The following SPATA45 variants were observed in gnomAD, a reference collection of about 807,000 sequenced individuals.
SPATA45 encodes the protein spermatogenesis associated 45.
In SPATA45, 5 loss-of-function variants were observed where a neutral mutation model predicts 7.0. That is an observed-to-expected ratio of 0.71 (90% CI 0.37 to 1.50). SPATA45 has a LOEUF of 1.50. Ranked by LOEUF, SPATA45 falls within the 40% of genes most tolerant of loss-of-function variation. The pLI, the probability that SPATA45 is intolerant of heterozygous loss-of-function variation, is 0.03. For missense variants in SPATA45, 111 were observed against 114.9 expected (o/e 0.97, Z 0.16); for synonymous variants, 40 against 38.7 (o/e 1.03, Z -0.13).
At chr1:212,840,885 T>G (rs1003945552) in intron 1 of SPATA45, among the ~76,000 whole-genome samples, 5 of 152,194 alleles carry the variant, frequency 3.3e-5, no homozygotes, top group Non-Finnish European at 7.3e-5. Flanking sequence ...CCCAAAGTGC[T>G]GGGATTACAG....
At position 212,843,100 on chromosome 1, in the gene SPATA45, T is replaced by TACACACACACAC. The variant is rs367648433; in HGVS notation, c.-39+4468_-39+4479dup. Among the ~76,000 whole-genome samples the TACACACACACAC allele has an allele frequency of 1.2e-3, 144 of 121,998 alleles. 3 individuals are homozygous for TACACACACACAC. The highest frequency in any genetic ancestry group is 3.4e-3 in the East Asian group (14 of 4,084). 80.0% of individuals were successfully genotyped at this position (121,998 alleles called of 152,430 possible). ...CAACAGAGCAAGACTCCGTCAAACA[T>TACACACACACAC]ACACACACACACACACACACACACA... On this transcript the variant is annotated intron_variant, in intron 1 of 2. Coordinates refer to ENST00000332912, the MANE Select transcript of SPATA45 (RefSeq NM_001024601.3).
At chr1:212,845,573 G>A (rs1663778328) in intron 1 of SPATA45, among the ~76,000 whole-genome samples, 1 of 152,092 alleles carries the variant, frequency 6.6e-6, no homozygotes, top group Admixed American at 6.6e-5. Flanking sequence ...ATGGCTCCTG[G>A]TTTTACCTCA....
intron 1 of SPATA45, among the ~76,000 whole-genome samples, chr1:212,844,984 C>G (rs564696389): frequency 6.6e-6 from 1 of 152,144 alleles, no homozygotes; most frequent in African/African-American, 2.4e-5. Flanking sequence ...CAGTTTTTCT[C>G]CTTCTCATTG....
intron 1 of SPATA45, among the ~76,000 whole-genome samples, chr1:212,845,028 C>A (rs1462315289): frequency 6.6e-6 from 1 of 152,180 alleles, no homozygotes; most frequent in Non-Finnish European, 1.5e-5. Context: ...GAAACTTCCA[C>A]CTATCAATCT....
intron 1 of SPATA45, among the ~76,000 whole-genome samples, chr1:212,845,875 CTCTATA>C (rs1663783353): frequency 6.6e-6 from 1 of 152,118 alleles, no homozygotes; most frequent in African/African-American, 2.4e-5. Context: ...AAAAAGAGGA[CTCTATA>C]TTTTTAAACA....
chr1:212,846,305 C>A (rs917924649), intron 1 of SPATA45, among the ~76,000 whole-genome samples: 3 of 152,106 alleles, frequency 2.0e-5, no homozygotes, highest in African/African-American at 7.2e-5. Flanking sequence ...TCCATACCAC[C>A]CCCAAAAGTT....
At chr1:212,839,129 TTATA>T (rs71147035) in intron 1 of SPATA45, among the ~76,000 whole-genome samples, 4 of 144,536 alleles carry the variant, frequency 2.8e-5, no homozygotes, top group Non-Finnish European at 6.1e-5. Flanking sequence ...TTTATATATA[TTATA>T]TATATATATA....
At chr1:212,843,297 A>G (rs1475357380) in intron 1 of SPATA45, among the ~76,000 whole-genome samples, 4 of 152,186 alleles carry the variant, frequency 2.6e-5, no homozygotes, top group African/African-American at 7.2e-5. Context: ...TCTCAAAAAA[A>G]AAAAGAAAAG....
chr1:212,842,958 G>A (rs1277037316), intron 1 of SPATA45, among the ~76,000 whole-genome samples: 24 of 150,292 alleles, frequency 1.6e-4, no homozygotes, highest in Admixed American at 5.9e-4. Context: ...TTAGCTGGGC[G>A]TGGTGGCATG....
intron 1 of SPATA45, among the ~76,000 whole-genome samples, chr1:212,846,801 G>A (rs112856622): frequency 0.023 from 3,496 of 152,312 alleles, 63 homozygotes; most frequent in South Asian, 0.041. Flanking sequence ...ATGGACGCAC[G>A]TGACAAAAGG....
Position 212,830,245 on chromosome 1 carries a change from T to C in SPATA45, c.294A>G (p.Gly98=), listed in dbSNP as rs999498657. 6.6e-7 allele frequency: 1 copy of C among 1,525,340 alleles called. No individual in the cohort carries two copies. Among genetic ancestry groups the C allele is most frequent in the Non-Finnish European group, 9.0e-7 (1 of 1,107,710 alleles). The allele number at this position is 1,525,340 out of a possible 1,614,324, so 94.5% of individuals were successfully genotyped here. A position where few individuals can be genotyped will look rare whatever the true frequency, so the allele number is the denominator to read the frequency against. Residue 98 remains glycine, a synonymous_variant, in exon 3 of 3, where the codon GGA becomes GGG. Coordinates refer to ENST00000332912, the MANE Select transcript of SPATA45 (RefSeq NM_001024601.3). ...HFPPKNNAIF[G] is the part of the protein sequence containing the mutation. Reference sequence around the variant, plus strand: ...CGTGTGTCTCTGGAGATGCACTTTATCCAAATATGGCATTATCTGAAAAAA... The same window carrying C: ...CGTGTGTCTCTGGAGATGCACTTTACCCAAATATGGCATTATCTGAAAAAA...
chr1:212,836,815 AT>A (rs201077050), intron 1 of SPATA45, among the ~76,000 whole-genome samples: 26,987 of 137,498 alleles, frequency 0.2, 3,542 homozygotes, highest in East Asian at 0.46. Context: ...TGCCCAGCTA[AT>A]TTTTTTTTTT....
In SPATA45 at chr1:212,836,124, T is replaced by A; in HGVS notation, c.26A>T (p.Glu9Val). 6.2e-7 allele frequency: 1 copy of A among 1,606,468 alleles called. No individual in the cohort carries two copies. The highest frequency in any genetic ancestry group is 1.3e-5 in the African/African-American group (1 of 74,888). MASINRTI[E>V]IMKKHGVSKQ... ...GCTTACTCCATGTTTTTTCATTATT[T>A]CAATGGTTCTGTTTATAGATGCCAT... The change falls in exon 2 of 3, where the codon GAA (glutamate) becomes GTA (valine). Residue 9 changes from glutamate (E) to valine (V), a missense_variant. By Grantham distance (121) the Glu-to-Val change is moderately radical (BLOSUM62 -2). Transcript: ENST00000332912.
intron 1 of SPATA45, among the ~76,000 whole-genome samples, chr1:212,843,972 T>A (rs1663742173): frequency 6.6e-6 from 1 of 152,002 alleles, no homozygotes; most frequent in Non-Finnish European, 1.5e-5. Context: ...ACCCCATAAA[T>A]CCTAAATCCT....
In SPATA45 at chr1:212,843,400, C is replaced by G. The variant is rs998133202; in HGVS notation, c.-39+4180G>C. 2.6e-5 allele frequency among the ~76,000 whole-genome samples: 4 copies of G among 152,050 alleles called. No individual in the cohort carries two copies. In the South Asian group the frequency reaches 6.2e-4, roughly 24 times the overall value. On this transcript the variant is annotated intron_variant, in intron 1 of 2. Transcript: ENST00000332912. ...AATACCAAGAGCTTAATACAACCAA[C>G]CCTCAATAAGTGGTAACTTTATCAT...
intron 1 of SPATA45, among the ~76,000 whole-genome samples, chr1:212,844,353 A>C (rs1663750129): frequency 6.6e-6 from 1 of 150,770 alleles, no homozygotes; most frequent in African/African-American, 2.4e-5. Flanking sequence ...AACTATACTC[A>C]CTCTTTGCTG....
chr1:212,836,170 C>T lies in SPATA45; in HGVS notation c.-21G>A. On this transcript the variant is annotated 5_prime_UTR_variant, in exon 2 of 3. Coordinates refer to ENST00000332912, the MANE Select transcript of SPATA45 (RefSeq NM_001024601.3). ...GCCATTATGGTCACAAACCAATTGT[C>T]AAGTGATTCTTGCTGTCCTACAAAC... 2 of 1,580,140 alleles carry T rather than the reference C, an allele frequency of 1.3e-6. No individual in the cohort carries two copies. Among genetic ancestry groups the T allele is most frequent in the African/African-American group, 1.3e-5 (1 of 74,096 alleles).
chr1:212,831,779 C>A (rs1663492816), intron 2 of SPATA45, among the ~76,000 whole-genome samples: 1 of 151,252 alleles, frequency 6.6e-6, no homozygotes, highest in African/African-American at 2.4e-5. Context: ...GGTTAGACCA[C>A]CGCTAGGTTC....
chr1:212,834,079 T>G (rs1023960893), intron 2 of SPATA45, among the ~76,000 whole-genome samples: 38 of 151,768 alleles, frequency 2.5e-4, no homozygotes, highest in African/African-American at 8.0e-4. Flanking sequence ...AACAAACACA[T>G]GACTGTTACA....
Sources: gnomAD v4.1 joint callset for allele counts (sites outside exome capture counted in the v4.1 genomes callset) on GRCh38, gnomAD v4.1.1 for gene constraint, MANE v1.5 for transcripts, NCBI Gene and HGNC (gene_info 2026-07-23, HGNC 2026-07-21) for gene names.